Variants in RAB38 observed in about 807,000 individuals in gnomAD.
RAB38 encodes the protein RAB38, member RAS oncogene family, also known as ras-related protein Rab-38.
A neutral mutation model predicts 18.4 loss-of-function variants in RAB38; 15 were observed. The ratio of observed to expected loss-of-function variants is 0.82; its 90% CI spans 0.55 to 1.26. RAB38 has a LOEUF of 1.26. RAB38 is among the 50% of genes most tolerant of loss of function. The pLI, the probability that RAB38 is intolerant of heterozygous loss-of-function variation, is 0.00. For synonymous variants in RAB38, 101 were observed against 104.4 expected, an observed-to-expected ratio of 0.97 and a Z score of 0.20; for missense variants, 294 against 267.4, an observed-to-expected ratio of 1.10 and a Z score of -0.69.
chr11:87,976,108 G>C, the RAB38 span, among the ~76,000 whole-genome samples: 1 of 148,412 alleles, frequency 6.7e-6, no homozygotes, highest in Non-Finnish European at 1.5e-5. Flanking sequence ...GTACATATAT[G>C]TGTGCGTGTA....
At chr11:87,860,784 A>AT in the RAB38 span, among the ~76,000 whole-genome samples, 61 of 151,422 alleles carry the variant, frequency 4.0e-4, no homozygotes, top group Non-Finnish European at 5.6e-4. Flanking sequence ...GTGAAAGCTA[A>AT]TTTTTTTTTA....
chr11:88,105,830 C>CA, the RAB38 span, among the ~76,000 whole-genome samples: 3 of 152,098 alleles, frequency 2.0e-5, no homozygotes, highest in African/African-American at 7.2e-5. Flanking sequence ...GAAATCCTGC[C>CA]AGAATCACAT....
At chr11:88,026,996 G>T in the RAB38 span, among the ~76,000 whole-genome samples, 1 of 151,952 alleles carries the variant, frequency 6.6e-6, no homozygotes, top group Non-Finnish European at 1.5e-5. Context: ...TGATTTTTGC[G>T]CAATGACCTC....
chr11:88,101,580 G>A, the RAB38 span, among the ~76,000 whole-genome samples: 1 of 151,736 alleles, frequency 6.6e-6, no homozygotes, highest in African/African-American at 2.4e-5. Flanking sequence ...AAAAAGGCAG[G>A]TTAATGTGAA....
At chr11:88,114,751 G>T (rs1942525552) in intron 2 of RAB38, among the ~76,000 whole-genome samples, 1 of 152,124 alleles carries the variant, frequency 6.6e-6, no homozygotes, top group Admixed American at 6.5e-5. Flanking sequence ...TGTTTTTTCT[G>T]TTTCTCCCTG....
the RAB38 span, among the ~76,000 whole-genome samples, chr11:87,976,863 ATAT>A: frequency 9.6e-6 from 1 of 104,450 alleles, no homozygotes; most frequent in South Asian, 3.0e-4. Context: ...AATGTATTAT[ATAT>A]TATATGTTAT....
chr11:87,893,390 A>ATTTTTTT, the RAB38 span, among the ~76,000 whole-genome samples: 1 of 93,916 alleles, frequency 1.1e-5, no homozygotes, highest in Admixed American at 1.5e-4. Flanking sequence ...ATATATATAT[A>ATTTTTTT]TTTTTTTTTT....
At chr11:88,166,889 A>C (rs1203626355) in intron 1 of RAB38, 1 of 152,194 alleles carries the variant, frequency 6.6e-6, no homozygotes, top group Non-Finnish European at 1.5e-5. Context: ...TTTTTATTGA[A>C]GAAATGTTTA....
At chr11:88,153,923 G>A (rs1943093980) in intron 1 of RAB38, among the ~76,000 whole-genome samples, 2 of 152,140 alleles carry the variant, frequency 1.3e-5, no homozygotes, top group Non-Finnish European at 2.9e-5. Context: ...ATATCAAGAA[G>A]GAAAATGGGA....
At chr11:88,061,124 A>G in the RAB38 span, among the ~76,000 whole-genome samples, 2 of 152,240 alleles carry the variant, frequency 1.3e-5, no homozygotes, top group Non-Finnish European at 1.5e-5. Flanking sequence ...CATCACAGAT[A>G]TAACAACAAT....
chr11:88,156,766 T>A (rs1353485105), intron 1 of RAB38, among the ~76,000 whole-genome samples: 1 of 152,158 alleles, frequency 6.6e-6, no homozygotes, highest in Non-Finnish European at 1.5e-5. Flanking sequence ...ATTTTAAAAA[T>A]CTTTCAAAAC....
rs755377089 is a variant in RAB38, at chr11:88,175,418, AG to A, written c.-35del. 1 of 1,496,834 alleles carries A rather than the reference AG, an allele frequency of 6.7e-7. No homozygotes were observed. The highest frequency in any genetic ancestry group is 1.4e-5 in the African/African-American group (1 of 70,934). The allele number at this position is 1,496,834 out of a possible 1,614,324, so 92.7% of individuals were successfully genotyped here. A position where few individuals can be genotyped will look rare whatever the true frequency, so the allele number is the denominator to read the frequency against. Reference sequence around the variant, plus strand: ...CCGGCCAGACGTGCCGTGCCTGACCAGGGAAGCGCAGCCTGGGCTCTGCGCA... The same window carrying A: ...CCGGCCAGACGTGCCGTGCCTGACCAGGAAGCGCAGCCTGGGCTCTGCGCA... On this transcript the variant is annotated 5_prime_UTR_variant, in exon 1 of 3. Transcript: ENST00000243662.
chr11:88,077,029 AAAG>A, the RAB38 span, among the ~76,000 whole-genome samples: 3 of 52,042 alleles, frequency 5.8e-5, no homozygotes, highest in Non-Finnish European at 1.1e-4. Context: ...AAAAGAAAAG[AAAG>A]AAAGCAAGCA....
At chr11:87,960,976 C>A in the RAB38 span, among the ~76,000 whole-genome samples, 1 of 152,146 alleles carries the variant, frequency 6.6e-6, no homozygotes, top group Non-Finnish European at 1.5e-5. Context: ...ACAAATCATT[C>A]CTGAACAGAG....
the RAB38 span, among the ~76,000 whole-genome samples, chr11:88,083,534 C>T: frequency 1.7e-4 from 26 of 151,784 alleles, no homozygotes; most frequent in South Asian, 4.8e-3. Context: ...TTATTTCTCC[C>T]GATGATAATA....
the RAB38 span, among the ~76,000 whole-genome samples, chr11:88,052,842 G>A: frequency 4.3e-5 from 6 of 141,088 alleles, no homozygotes; most frequent in Non-Finnish European, 7.5e-5. Flanking sequence ...GTGGGGTGGA[G>A]GTTAATACAA....
the RAB38 span, among the ~76,000 whole-genome samples, chr11:87,865,386 A>G: frequency 1.3e-5 from 2 of 151,736 alleles, no homozygotes; most frequent in Non-Finnish European, 2.9e-5. Context: ...AACAAAGGTC[A>G]TAGAGGAGAG....
the RAB38 span, among the ~76,000 whole-genome samples, chr11:87,821,817 C>T: frequency 0.042 from 6,289 of 149,712 alleles, 426 homozygotes; most frequent in African/African-American, 0.15. Flanking sequence ...CGCCACTTCA[C>T]TCCACCCTGG....
At chr11:87,890,380 G>C in the RAB38 span, among the ~76,000 whole-genome samples, 4 of 151,924 alleles carry the variant, frequency 2.6e-5, no homozygotes, top group Admixed American at 2.0e-4. Context: ...CCTCCCAGCA[G>C]CCAGCTCCTC....
Sources: allele counts gnomAD v4.1 joint callset (sites outside exome capture counted in the v4.1 genomes callset), GRCh38; gene constraint gnomAD v4.1.1; transcripts MANE v1.5; gene names NCBI Gene and HGNC (gene_info 2026-07-23, HGNC 2026-07-21).